FABP12: variants seen among roughly 807,000 people sequenced by gnomAD.
FABP12 encodes fatty acid binding protein 12.
In FABP12, 19 loss-of-function variants were observed where a neutral mutation model predicts 13.7. That is an observed-to-expected ratio of 1.39 (90% CI 0.97 to 2.04). The LOEUF (loss-of-function observed/expected upper bound fraction) is 2.04. Among genes scored for constraint, FABP12 ranks in the 30% most tolerant of loss-of-function variants. The pLI, the probability that FABP12 is intolerant of heterozygous loss-of-function variation, is 0.00. For synonymous variants in FABP12, 61 were observed against 57.0 expected (o/e 1.07, Z -0.32); for missense variants, 182 against 164.2 (o/e 1.11, Z -0.59).
At chr8:81,558,087 G>A (rs1038944955) in intron 1 of FABP12, among the ~76,000 whole-genome samples, 1 of 152,224 alleles carries the variant, frequency 6.6e-6, no homozygotes, top group African/African-American at 2.4e-5. Flanking sequence ...CAGACACGAA[G>A]ATTGCATGAG....
chr8:81,551,415 C>T (rs1809521050), intron 1 of FABP12, among the ~76,000 whole-genome samples: 1 of 152,024 alleles, frequency 6.6e-6, no homozygotes, highest in South Asian at 2.1e-4. Flanking sequence ...AAGAGAGGTC[C>T]CAGTATTCTC....
At chr8:81,585,876 T>A (rs886815845) in intron 1 of FABP12, among the ~76,000 whole-genome samples, 2 of 152,200 alleles carry the variant, frequency 1.3e-5, no homozygotes, top group African/African-American at 4.8e-5. Flanking sequence ...AGGGTGCACA[T>A]GCAGGTTTGT....
intron 1 of FABP12, among the ~76,000 whole-genome samples, chr8:81,572,111 A>C (rs1809943918): frequency 6.6e-5 from 9 of 137,060 alleles, no homozygotes; most frequent in East Asian, 2.1e-4. Flanking sequence ...GCCCCCTCCC[A>C]CTCTTCCCCC....
chr8:81,529,508 T>G, exon 3 of FABP12: 1 of 1,614,040 alleles, frequency 6.2e-7, no homozygotes, highest in South Asian at 1.1e-5. Context: ...CTCATTATTT[T>G]TAAAGATGCT....
intron 1 of FABP12, among the ~76,000 whole-genome samples, chr8:81,548,775 T>A (rs114556750): frequency 0.014 from 2,119 of 152,162 alleles, 41 homozygotes; most frequent in African/African-American, 0.048. Context: ...AAGGCTAGAA[T>A]GAGTATAGCA....
At position 81,545,847 on chromosome 8, in the gene FABP12, G is replaced by A. The variant is rs749015056; in HGVS notation, c.-184-6104C>T. On this transcript the variant is annotated intron_variant, in intron 1 of 5. Transcript: ENST00000692030. ...TCTCCCCACATATTCCTTATCTCTA[G>A]CTTCAAGTTCATGGGCCGAATCAAT... 6.6e-5 allele frequency among the ~76,000 whole-genome samples: 10 copies of A among 152,262 alleles called. No homozygotes were observed. In the Middle Eastern group the frequency reaches 0.01, roughly 155 times the overall value.
intron 1 of FABP12, among the ~76,000 whole-genome samples, chr8:81,571,534 T>C (rs1809932652): frequency 6.6e-6 from 1 of 152,240 alleles, no homozygotes; most frequent in Non-Finnish European, 1.5e-5. Flanking sequence ...CTGCTATTAT[T>C]AACAAATACT....
intron 1 of FABP12, among the ~76,000 whole-genome samples, chr8:81,564,037 G>A (rs1413253258): frequency 1.3e-5 from 2 of 152,012 alleles, no homozygotes; most frequent in Non-Finnish European, 2.9e-5. Flanking sequence ...GATCTTAAAA[G>A]CAGAAAGAGA....
Position 81,531,355 on chromosome 8 carries a change from A to T in FABP12, c.-40T>A. The T allele has an allele frequency of 7.0e-7, 1 of 1,434,682 alleles. No homozygotes were observed. The highest frequency in any genetic ancestry group is 1.4e-5 in the African/African-American group (1 of 71,300). The allele number at this position is 1,434,682 out of a possible 1,614,324, so 88.9% of individuals were successfully genotyped here. A position where few individuals can be genotyped will look rare whatever the true frequency, so the allele number is the denominator to read the frequency against. On this transcript the variant is annotated 5_prime_UTR_variant, in exon 2 of 5. It removes an upstream start codon present in the reference 5' UTR. Coordinates refer to ENST00000360464, the Ensembl canonical transcript of FABP12. ...GTTGATCTCAAAGAACAGTAGTTTCATGTGTATGCTGGTTTTCCCTGAAGT... is the reference window on the plus strand; with the variant it reads ...GTTGATCTCAAAGAACAGTAGTTTCTTGTGTATGCTGGTTTTCCCTGAAGT...
intron 1 of FABP12, among the ~76,000 whole-genome samples, chr8:81,574,644 T>G (rs1810000780): frequency 6.6e-6 from 1 of 152,172 alleles, no homozygotes; most frequent in South Asian, 2.1e-4. Flanking sequence ...ATTGTTCTGT[T>G]CAGGGTATCT....
At chr8:81,525,529 A>G (rs11997785) in intron 4 of FABP12, among the ~76,000 whole-genome samples, 1 of 149,976 alleles carries the variant, frequency 6.7e-6, no homozygotes, top group African/African-American at 2.5e-5. Context: ...AAAAAAAAAA[A>G]ATAGATAGAT....
At chr8:81,529,802 C>T (rs1253402944) in intron 2 of FABP12, among the ~76,000 whole-genome samples, 192 bp from the exon 3 acceptor site, 1 of 152,178 alleles carries the variant, frequency 6.6e-6, no homozygotes, top group Admixed American at 6.5e-5. Flanking sequence ...AAGCCAGCAG[C>T]TCCACCATGA....
intron 1 of FABP12, among the ~76,000 whole-genome samples, chr8:81,577,086 C>A (rs1286255089): frequency 3.3e-5 from 5 of 152,062 alleles, no homozygotes; most frequent in African/African-American, 1.2e-4. Context: ...TAGCTGTTTT[C>A]AATTATTTGC....
chr8:81,539,565 C>G (rs1332929811), intron 2 of FABP12, among the ~76,000 whole-genome samples: 1 of 143,382 alleles, frequency 7.0e-6, no homozygotes, highest in Non-Finnish European at 1.5e-5. Flanking sequence ...AAGATTTAGG[C>G]AATAAAATAA....
chr8:81,536,629 T>C (rs896610427), upstream of FABP12, among the ~76,000 whole-genome samples: 16 of 152,212 alleles, frequency 1.1e-4, no homozygotes, highest in Admixed American at 9.2e-4. Flanking sequence ...GGGATTGAAA[T>C]AGAAATCCGA....
At chr8:81,571,563 T>A (rs1292529747) in intron 1 of FABP12, among the ~76,000 whole-genome samples, 1 of 152,214 alleles carries the variant, frequency 6.6e-6, no homozygotes, top group African/African-American at 2.4e-5. Context: ...CCGTAACTTA[T>A]TTTATGTGAG....
chr8:81,536,606 T>C (rs1237609013), upstream of FABP12, among the ~76,000 whole-genome samples: 1 of 152,196 alleles, frequency 6.6e-6, no homozygotes, highest in Non-Finnish European at 1.5e-5. Flanking sequence ...TTCCCACCAC[T>C]GAGTATATAA....
chr8:81,554,427 G>A (rs1809573802), intron 1 of FABP12, among the ~76,000 whole-genome samples: 1 of 152,118 alleles, frequency 6.6e-6, no homozygotes, highest in Admixed American at 6.5e-5. Flanking sequence ...TCCCTAAATG[G>A]CAGAGTCAGG....
rs776300121 is a variant in FABP12, at chr8:81,578,525, G to A, written c.-185+11528C>T. Among the ~76,000 whole-genome samples the A allele has an allele frequency of 9.0e-5, 13 of 144,472 alleles. No individual in the cohort carries two copies. The Middle Eastern group carries it at 0.011, about 122-fold the overall frequency. The allele number at this position is 144,472 out of a possible 152,430, so 94.8% of individuals were successfully genotyped here. A position where few individuals can be genotyped will look rare whatever the true frequency, so the allele number is the denominator to read the frequency against. On this transcript the variant is annotated intron_variant, in intron 1 of 5. Transcript: ENST00000692030. Reference sequence around the variant, plus strand: ...TTTCGAGACAGAGTCTTGCTCTGTCGCCCAGGCTGGAGTGCAATGGCATGA... The same window carrying A: ...TTTCGAGACAGAGTCTTGCTCTGTCACCCAGGCTGGAGTGCAATGGCATGA...
Sources: allele counts gnomAD v4.1 joint callset (sites outside exome capture counted in the v4.1 genomes callset), GRCh38; gene constraint gnomAD v4.1.1; transcripts MANE v1.5; gene names NCBI Gene and HGNC (gene_info 2026-07-23, HGNC 2026-07-21).